GTF3C1: variants seen among roughly 807,000 people sequenced by gnomAD.
GTF3C1 encodes general transcription factor IIIC subunit 1, also known as general transcription factor 3C polypeptide 1.
Under a neutral mutation model 226.7 loss-of-function variants are expected in GTF3C1, and 57 were observed. That is an observed-to-expected ratio of 0.25 (90% CI 0.20 to 0.31). The LOEUF (loss-of-function observed/expected upper bound fraction) is 0.31. Among genes scored for constraint, GTF3C1 ranks in the 10% least tolerant of loss-of-function variants. GTF3C1 has a pLI of 1.00. For synonymous variants in GTF3C1, 1,090 were observed against 1,084.8 expected, an observed-to-expected ratio of 1.00 and a Z score of -0.09; for missense variants, 2,217 against 2,776.1, an observed-to-expected ratio of 0.80 and a Z score of 4.53.
chr16:27,549,515 G>A (rs993063334), intron 1 of GTF3C1, among the ~76,000 whole-genome samples, 155 bp downstream of exon 1: 3 of 152,052 alleles, frequency 2.0e-5, no homozygotes, highest in African/African-American at 4.8e-5. Context: ...AGGCCTGAGG[G>A]ACCCCAGATT....
rs140813736 is a variant in GTF3C1, at chr16:27,502,078, A to G, written c.1908-734T>C. Among the ~76,000 whole-genome samples the G allele has an allele frequency of 1.1e-4, 17 of 150,988 alleles. No homozygotes were observed. The East Asian group carries it at 3.3e-3, about 29-fold the overall frequency. On this transcript the variant is annotated intron_variant, in intron 11 of 36. Coordinates refer to ENST00000356183, the MANE Select transcript of GTF3C1 (RefSeq NM_001520.4). ...TCATGCACTCTAGCCTGGGTGTCAG[A>G]GTGAGACTCCATCTCAAAAAAAAAA...
At position 27,505,900 on chromosome 16, in the gene GTF3C1, T is replaced by C; in HGVS notation, c.1769A>G (p.Lys590Arg). 1 of 1,576,360 alleles carries C rather than the reference T, an allele frequency of 6.3e-7. No individual in the cohort carries two copies. Among genetic ancestry groups the C allele is most frequent in the Non-Finnish European group, 8.7e-7 (1 of 1,145,572 alleles). ...VIEEVRMENPKESSSSLKTGR... is the reference protein window; with the variant it reads ...VIEEVRMENPRESSSSLKTGR... The stretch of plus-strand genomic sequence containing the variant: ...CTCCCTCCCTCTGCATGCACTGACC[T>C]TTGGGTTTTCCATCCGGACCTCCTC... Residue 590 changes from lysine (K) to arginine (R), a missense_variant and splice_region_variant, in exon 10 of 37, where the codon AAG (lysine) becomes AGG (arginine). Lys to Arg is a conservative substitution (Grantham distance 26). Around this residue, in one of 12 missense-constraint regions of GTF3C1, gnomAD observed 173 missense variants for 207.2 expected, o/e 0.83. Coordinates refer to ENST00000356183, the MANE Select transcript of GTF3C1 (RefSeq NM_001520.4).
intron 26 of GTF3C1, 110 bp from the exon 27 acceptor site, chr16:27,481,301 G>A (rs2088042904): frequency 2.4e-5 from 21 of 866,896 alleles, no homozygotes; most frequent in South Asian, 3.0e-5. Context: ...AGCTAAGTCC[G>A]AGAACCACTG....
In GTF3C1 at chr16:27,533,351, C is replaced by T. The variant is rs142320843; in HGVS notation, c.789G>A (p.Ser263=). The change falls in exon 5 of 37, where the codon TCG becomes TCA. Residue 263 remains serine, a synonymous_variant. Coordinates refer to ENST00000356183, the MANE Select transcript of GTF3C1 (RefSeq NM_001520.4). ...SKYDILMEKL[S]VMLSTRTNHI... ...GGTTAGTCCGTGTGCTCAGCATGAC[C>T]GAAAGCTTCTCCATGAGGATGTCGT... 5.6e-4 allele frequency: 902 copies of T among 1,608,536 alleles called. No individual in the cohort carries two copies. Among genetic ancestry groups the T allele is most frequent in the Non-Finnish European group, 7.2e-4 (849 of 1,175,068 alleles).
intron 29 of GTF3C1, among the ~76,000 whole-genome samples, chr16:27,473,999 C>T (rs2087916145): frequency 6.6e-6 from 1 of 152,206 alleles, no homozygotes; most frequent in East Asian, 1.9e-4. Context: ...AGCGCTCAGG[C>T]CATGTGTGGT....
chr16:27,502,012 T>C (rs187456181), intron 11 of GTF3C1, among the ~76,000 whole-genome samples: 67 of 152,112 alleles, frequency 4.4e-4, no homozygotes, highest in African/African-American at 1.5e-3. Context: ...GAAGAATTGT[T>C]TGAACCCAGG....
At chr16:27,516,676 T>G (rs949910838) in intron 6 of GTF3C1, among the ~76,000 whole-genome samples, 3 of 152,230 alleles carry the variant, frequency 2.0e-5, no homozygotes, top group Non-Finnish European at 4.4e-5. Context: ...AAGTCTCGCT[T>G]TGTCGTCCAG....
Position 27,486,120 on chromosome 16 carries a change from G to A in GTF3C1, c.3735C>T (p.Arg1245=). The A allele has an allele frequency of 1.9e-6, 3 of 1,607,800 alleles. No homozygotes were observed. Among genetic ancestry groups the A allele is most frequent in the Non-Finnish European group, 2.6e-6 (3 of 1,174,710 alleles). ...EFPGEKSKRL[R]YHDEADQSAL... ...CACTCTGGTCGGCTTCATCATGGTA[G>A]CGCAGCCTTTTGCTTTTTTCTCCTG... The change falls in exon 24 of 37, where the codon CGC becomes CGT. Residue 1245 remains arginine (R), a synonymous_variant. Transcript: ENST00000356183.
rs758904137 is a variant in GTF3C1 at position 27,507,192 on chromosome 16, G to C, written c.1243-36C>G. 6.7e-7 allele frequency: 1 copy of C among 1,491,030 alleles called. No individual in the cohort carries two copies. Among genetic ancestry groups the C allele is most frequent in the Non-Finnish European group, 9.2e-7 (1 of 1,090,638 alleles). The allele number at this position is 1,491,030 out of a possible 1,614,324, so 92.4% of individuals were successfully genotyped here. A position where few individuals can be genotyped will look rare whatever the true frequency, so the allele number is the denominator to read the frequency against. On this transcript the variant is annotated intron_variant, in intron 8 of 36. Coordinates refer to ENST00000356183, the MANE Select transcript of GTF3C1 (RefSeq NM_001520.4). This position sits in a 1 kb window ranked among gnomAD's most constrained non-coding sequence, Gnocchi z 4.9. ...TAAGATGTGTTTATCCCACTGCAAA[G>C]AGGGCGTCATACCCACAGGGGTTCA...
At chr16:27,483,367 GTAACCGA>G in intron 25 of GTF3C1, 1 of 627,022 alleles carries the variant, frequency 1.6e-6, no homozygotes, top group Non-Finnish European at 3.0e-6. Context: ...TCCTTCATAG[GTAACCGA>G]GAACACTGAG....
At chr16:27,496,891 T>C (rs1412774342) in intron 14 of GTF3C1, among the ~76,000 whole-genome samples, 2 of 152,204 alleles carry the variant, frequency 1.3e-5, no homozygotes, top group African/African-American at 2.4e-5. Flanking sequence ...AAATGCTGTC[T>C]AGTTGCATGC....
At position 27,461,244 on chromosome 16, in the gene GTF3C1, G is replaced by A; in HGVS notation, c.*106C>T. 1 of 672,494 alleles carries A rather than the reference G, an allele frequency of 1.5e-6. No homozygotes were observed. Among genetic ancestry groups the A allele is most frequent in the Non-Finnish European group, 2.5e-6 (1 of 393,480 alleles). 41.7% of individuals were successfully genotyped at this position (672,494 alleles called of 1,614,324 possible). ...GCCAAAGCACCCGTCCCCTGCTGCA[G>A]GAGGCTCGGCAGACCCAAGGCCAGG... On this transcript the variant is annotated 3_prime_UTR_variant, in exon 37 of 37. Coordinates refer to ENST00000356183, the MANE Select transcript of GTF3C1 (RefSeq NM_001520.4). This position sits in a 1 kb window ranked among gnomAD's most constrained non-coding sequence, Gnocchi z 5.3.
chr16:27,483,880 AGCCTCT>A (rs1482322233), intron 25 of GTF3C1, among the ~76,000 whole-genome samples: 1 of 152,242 alleles, frequency 6.6e-6, no homozygotes, highest in Non-Finnish European at 1.5e-5. Flanking sequence ...AGGAAAAGCC[AGCCTCT>A]GCCTCTGCCT....
At chr16:27,482,678 TCAG>T (rs200845396) in intron 26 of GTF3C1, 7,299 of 459,068 alleles carry the variant, frequency 0.016, 97 homozygotes, top group Non-Finnish European at 0.023. Context: ...TCCCTCCTTG[TCAG>T]CCACCGCCTT....
At chr16:27,489,365 T>A (rs1390350062) in intron 20 of GTF3C1, among the ~76,000 whole-genome samples, 187 bp from the exon 21 acceptor site, 1 of 152,238 alleles carries the variant, frequency 6.6e-6, no homozygotes, top group South Asian at 2.1e-4. Context: ...GCAAGATAAG[T>A]CAAAAATCCA....
At position 27,464,698 on chromosome 16, in the gene GTF3C1, GGTCTTCTCTCTGGATGTCGGC is replaced by G. The variant is rs751246377; in HGVS notation, c.5473_5493del (p.Ala1825_Asp1831del). On this transcript the variant is annotated inframe_deletion, in exon 34 of 37. Coordinates refer to ENST00000356183, the MANE Select transcript of GTF3C1 (RefSeq NM_001520.4). ...GACCCCTCCAGGGGTCTGGCCTGGG[GGTCTTCTCTCTGGATGTCGGC>G]GTCTTCTCTGTCTTTCAGCCGCACG... is the stretch of plus-strand genomic sequence containing the variant. 7 of 1,597,998 alleles carry G rather than the reference GGTCTTCTCTCTGGATGTCGGC, an allele frequency of 4.4e-6. No individual in the cohort carries two copies. Among genetic ancestry groups the G allele is most frequent in the Middle Eastern group, 1.7e-4 (1 of 6,032 alleles).
At chr16:27,518,026 G>A (rs751843313) in intron 6 of GTF3C1, among the ~76,000 whole-genome samples, 96 of 152,138 alleles carry the variant, frequency 6.3e-4, no homozygotes, top group Non-Finnish European at 2.5e-4. Flanking sequence ...GCAAAATGGC[G>A]CTCTCAACTG....
intron 29 of GTF3C1, among the ~76,000 whole-genome samples, chr16:27,474,532 A>T (rs1038815160): frequency 6.6e-5 from 10 of 152,186 alleles, no homozygotes; most frequent in African/African-American, 2.4e-4. Flanking sequence ...CACAGCCAGA[A>T]GTCGGAAATT....
rs763610851 is a variant in GTF3C1 at position 27,471,952 on chromosome 16, T to A, written c.4354-32A>T. 3 of 1,606,480 alleles carry A rather than the reference T, an allele frequency of 1.9e-6. No homozygotes were observed. The highest frequency in any genetic ancestry group is 2.6e-6 in the Non-Finnish European group (3 of 1,173,710). ...CACAGGGCGGCGAGGGTGAGTAGGG[T>A]TCTCCAGCCGGCCACGGAGAGGGCT... On this transcript the variant is annotated intron_variant, in intron 29 of 36. Transcript: ENST00000356183. This position sits in a 1 kb window ranked among gnomAD's most constrained non-coding sequence, Gnocchi z 5.0.
Sources: gnomAD v4.1 joint callset for allele counts (sites outside exome capture counted in the v4.1 genomes callset) on GRCh38, gnomAD v4.1.1 for gene constraint, gnomAD v4.1.1 regional missense constraint, Gnocchi (gnomAD v3.1) non-coding constraint, MANE v1.5 for transcripts, NCBI Gene and HGNC (gene_info 2026-07-23, HGNC 2026-07-21) for gene names.